The following ACOX1 variants were observed in gnomAD, a reference collection of about 807,000 sequenced individuals.
The protein encoded by ACOX1 is peroxisomal acyl-coenzyme A oxidase 1.
A neutral mutation model predicts 75.5 loss-of-function variants in ACOX1; 41 were observed. That is an observed-to-expected ratio of 0.54 (90% CI 0.42 to 0.70). ACOX1 has a LOEUF of 0.70. ACOX1 is among the 30% of genes least tolerant of loss of function. ACOX1 has a pLI of 0.00. For synonymous variants in ACOX1, 303 were observed against 298.8 expected (o/e 1.01, Z -0.15); for missense variants, 630 against 837.5 (o/e 0.75, Z 3.06).
At position 75,951,469 on chromosome 17, in the gene ACOX1, G is replaced by A. The variant is rs2065773325; in HGVS notation, c.1053C>T (p.Thr351=). 6.2e-7 allele frequency: 1 copy of A among 1,614,054 alleles called. No homozygotes were observed. Among genetic ancestry groups the A allele is most frequent in the African/African-American group, 1.3e-5 (1 of 74,926 alleles). ...CAATGCCTTCGTTAATCCGGTGATA[G>A]GTCTCCTTCATGTATGCGCCCACAA... ...FQFVGAYMKE[T]YHRINEGIGQ... Residue 351 remains threonine (T), a synonymous_variant, in exon 8 of 14, where the codon ACC becomes ACT. Transcript: ENST00000293217.
rs756182742 is a variant in ACOX1, at chr17:75,979,085, G to C, written c.-12C>G. ...AGGTCCGGGTTCATGGCGACGACCA[G>C]CTGGCAGCGAAGTAAGCACCGACCG... On this transcript the variant is annotated 5_prime_UTR_variant, in exon 1 of 14. Coordinates refer to ENST00000293217, the MANE Select transcript of ACOX1 (RefSeq NM_004035.7). 20 of 1,610,332 alleles carry C rather than the reference G, an allele frequency of 1.2e-5. 1 individual carries two copies. The South Asian group carries it at 1.3e-4, about 11-fold the overall frequency.
chr17:75,951,274 G>C lies in ACOX1; in HGVS notation c.1107+141C>G. ...ACAAACCCCACAGATCTTCATATCT[G>C]ATCTACTTTCAACCAGAAGAAGTTC... On this transcript the variant is annotated intron_variant, in intron 8 of 13. Coordinates refer to ENST00000293217, the MANE Select transcript of ACOX1 (RefSeq NM_004035.7). 4 of 1,004,666 alleles carry C rather than the reference G, an allele frequency of 4.0e-6. No homozygotes were observed. In the Admixed American group the frequency reaches 8.3e-5, roughly 21 times the overall value. 62.2% of individuals were successfully genotyped at this position (1,004,666 alleles called of 1,614,324 possible).
Position 75,948,372 on chromosome 17 carries a change from G to A in ACOX1, c.1814C>T (p.Ala605Val), listed in dbSNP as rs531761092. 1.2e-6 allele frequency: 2 copies of A among 1,614,070 alleles called. No homozygotes were observed. Among genetic ancestry groups the A allele is most frequent in the Admixed American group, 1.7e-5 (1 of 59,992 alleles). Residue 605 changes from alanine to valine, a missense_variant, in exon 13 of 14, where the codon GCT (alanine) becomes GTT (valine). Around this residue, in one of 2 missense-constraint regions of ACOX1, gnomAD observed 240 missense variants for 262.7 expected, o/e 0.91. Transcript: ENST00000293217. ...CTGAAAATCAAATGCATCAACCAAA[G>A]CAACAGCATCTGAGCGAATCAGAGT... ...LLTLIRSDAVALVDAFDFQDV... is the reference protein window; with the variant it reads ...LLTLIRSDAVVLVDAFDFQDV...
chr17:75,962,584 C>T (rs751988601), intron 2 of ACOX1, among the ~76,000 whole-genome samples: 31 of 152,146 alleles, frequency 2.0e-4, no homozygotes, highest in African/African-American at 2.4e-5. Context: ...AGAACCAGGG[C>T]ACACTGCTCA....
At chr17:75,974,526 T>C (rs533039281) in intron 2 of ACOX1, among the ~76,000 whole-genome samples, 2 of 152,200 alleles carry the variant, frequency 1.3e-5, no homozygotes, top group African/African-American at 4.8e-5. Context: ...GGGATCAATT[T>C]TGTACTTTGA....
chr17:75,973,599 C>T (rs965383956), intron 2 of ACOX1: 10 of 1,613,516 alleles, frequency 6.2e-6, no homozygotes, highest in Admixed American at 3.3e-5. Flanking sequence ...AGGTGGGTTA[C>T]CCACAGACCC....
chr17:75,971,912 A>G (rs547199498), intron 2 of ACOX1, among the ~76,000 whole-genome samples: 4 of 152,324 alleles, frequency 2.6e-5, no homozygotes, highest in Non-Finnish European at 5.9e-5. Flanking sequence ...AGTCGAATAA[A>G]TTCTATAATG....
At chr17:75,974,745 A>G (rs2066028633) in intron 2 of ACOX1, among the ~76,000 whole-genome samples, 1 of 152,098 alleles carries the variant, frequency 6.6e-6, no homozygotes, top group Admixed American at 6.6e-5. Context: ...TAAAAGAAAT[A>G]ATAGTAGCCG....
rs1218100446 is a variant in ACOX1, at chr17:75,950,679, T to A, written c.1298+95A>T. On this transcript the variant is annotated intron_variant, in intron 9 of 13. Coordinates refer to ENST00000293217, the MANE Select transcript of ACOX1 (RefSeq NM_004035.7). This position sits in a 1 kb window ranked among gnomAD's most constrained non-coding sequence, Gnocchi z 4.3. ...TATACCTTTCAGGAACAAATATATA[T>A]ATACGGTGAAGAAAAACCATGGGAA... 1 of 1,348,526 alleles carries A rather than the reference T, an allele frequency of 7.4e-7. No individual in the cohort carries two copies. The highest frequency in any genetic ancestry group is 1.7e-5 in the Admixed American group (1 of 57,282). The allele number at this position is 1,348,526 out of a possible 1,614,324, so 83.5% of individuals were successfully genotyped here.
chr17:75,958,491 A>G (rs2065855195), intron 3 of ACOX1, among the ~76,000 whole-genome samples: 1 of 147,278 alleles, frequency 6.8e-6, no homozygotes, highest in African/African-American at 2.5e-5. Flanking sequence ...AAGTGGTGAA[A>G]CCCCGTCTCT....
At chr17:75,968,218 C>T (rs891736235) in intron 2 of ACOX1, among the ~76,000 whole-genome samples, 2 of 147,390 alleles carry the variant, frequency 1.4e-5, no homozygotes, top group South Asian at 2.1e-4. Context: ...GGGCGGATCA[C>T]GAGGTCAGGA....
At chr17:75,966,011 T>C (rs1157744171) in intron 2 of ACOX1, among the ~76,000 whole-genome samples, 1 of 151,644 alleles carries the variant, frequency 6.6e-6, no homozygotes, top group Non-Finnish European at 1.5e-5. Context: ...ATGCCTGTAA[T>C]CCCAGCTACT....
intron 2 of ACOX1, among the ~76,000 whole-genome samples, chr17:75,967,725 TATATATATAC>T (rs2065951654): frequency 7.1e-6 from 1 of 140,532 alleles, no homozygotes; most frequent in Non-Finnish European, 1.5e-5. Flanking sequence ...TATACACATA[TATATATATAC>T]ACGTATATAT....
In ACOX1 at chr17:75,979,103, AC is replaced by A; in HGVS notation, c.-31del. 6.2e-7 allele frequency: 1 copy of A among 1,607,944 alleles called. No homozygotes were observed. The highest frequency in any genetic ancestry group is 1.1e-5 in the South Asian group (1 of 91,076). ...ACGACCAGCTGGCAGCGAAGTAAGC[AC>A]CGACCGAGGTGGCAGTGACAATCTA... On this transcript the variant is annotated 5_prime_UTR_variant, in exon 1 of 14. Coordinates refer to ENST00000293217, the MANE Select transcript of ACOX1 (RefSeq NM_004035.7).
chr17:75,946,581 C>CT lies in ACOX1; in HGVS notation c.*166dup, dbSNP rs532512948. 3.1e-4 allele frequency: 210 copies of CT among 666,822 alleles called. 5 individuals carry two copies. In the South Asian group the frequency reaches 3.3e-3, roughly 10 times the overall value. 41.3% of individuals were successfully genotyped at this position (666,822 alleles called of 1,614,324 possible). A position where few individuals can be genotyped will look rare whatever the true frequency, so the allele number is the denominator to read the frequency against. Reference sequence around the variant, plus strand: ...GTGTTAATTGCACTTAAAACATCTGCTTTTTTTCATTTAATCTCTGAAATC... The same window carrying CT: ...GTGTTAATTGCACTTAAAACATCTGCTTTTTTTTCATTTAATCTCTGAAATC... On this transcript the variant is annotated 3_prime_UTR_variant, in exon 14 of 14. Coordinates refer to ENST00000293217, the MANE Select transcript of ACOX1 (RefSeq NM_004035.7).
rs1192829852 is a variant in ACOX1, at chr17:75,972,705, T to G, written c.269+5829A>C. On this transcript the variant is annotated intron_variant, in intron 2 of 13. Transcript: ENST00000293217. ...TTTACAAACCTTTCTTTCAGGCTTA[T>G]AATTTCAGTACTGACCATCTTGAAG... is the stretch of plus-strand genomic sequence containing the variant. 2.0e-5 allele frequency among the ~76,000 whole-genome samples: 3 copies of G among 151,568 alleles called. No homozygotes were observed. The East Asian group carries it at 5.8e-4, about 29-fold the overall frequency.
rs1379140536 is a variant in ACOX1 at position 75,950,869 on chromosome 17, A to C, written c.1203T>G (p.Tyr401Ter). 3 of 1,614,212 alleles carry C rather than the reference A, an allele frequency of 1.9e-6. No homozygotes were observed. Among genetic ancestry groups the C allele is most frequent in the Non-Finnish European group, 2.5e-6 (3 of 1,180,030 alleles). Residue 401 changes from tyrosine (Y) to a stop codon, truncating the protein, a stop_gained, in exon 9 of 14, where the codon TAT becomes TAG. Transcript: ENST00000293217. LOFTEE classifies it high-confidence loss of function. This position sits in a 1 kb window ranked among gnomAD's most constrained non-coding sequence, Gnocchi z 4.3. ...TATTTGGAAGACCACTGCAATGAGA[A>C]TAGCCATGCCCACCACAAGCCATCC... ...ACRMACGGHG[Y>*]SHCSGLPNIY...
chr17:75,944,337 C>T lies in ACOX1; in HGVS notation c.*2411G>A, dbSNP rs1382070990. 1 of 152,202 alleles carries T rather than the reference C, an allele frequency of 6.6e-6. No homozygotes were observed. Among genetic ancestry groups the T allele is most frequent in the Non-Finnish European group, 1.5e-5 (1 of 68,042 alleles). 9.4% of individuals were successfully genotyped at this position (152,202 alleles called of 1,614,324 possible). ...CTTACAAAATTTTGAATCCAACAGA[C>T]CCAAACTTGTCAGTGGCAGTCTAGT... On this transcript the variant is annotated 3_prime_UTR_variant, in exon 14 of 14. Coordinates refer to ENST00000293217, the MANE Select transcript of ACOX1 (RefSeq NM_004035.7).
rs940648153 is a variant in ACOX1, at chr17:75,951,484, T to C, written c.1038A>G (p.Ala346=). The C allele has an allele frequency of 6.2e-7, 1 of 1,614,170 alleles. No individual in the cohort carries two copies. ...TCCGGTGATAGGTCTCCTTCATGTATGCGCCCACAAACTGGAAGGCATAGG... is the reference window on the plus strand; with the variant it reads ...TCCGGTGATAGGTCTCCTTCATGTACGCGCCCACAAACTGGAAGGCATAGG... ...ATAYAFQFVG[A]YMKETYHRIN... The change falls in exon 8 of 14, where the codon GCA becomes GCG. Residue 346 remains alanine (A), a synonymous_variant. Coordinates refer to ENST00000293217, the MANE Select transcript of ACOX1 (RefSeq NM_004035.7).
Sources: allele counts gnomAD v4.1 joint callset (sites outside exome capture counted in the v4.1 genomes callset), GRCh38; gene constraint gnomAD v4.1.1; regional missense constraint gnomAD v4.1.1; non-coding constraint Gnocchi (gnomAD v3.1); transcripts MANE v1.5; gene names NCBI Gene and HGNC (gene_info 2026-07-23, HGNC 2026-07-21).